The following PDE4B variants were observed in gnomAD, a reference collection of about 807,000 sequenced individuals.
PDE4B encodes 3',5'-cyclic-AMP phosphodiesterase 4B.
Under a neutral mutation model 82.2 loss-of-function variants are expected in PDE4B, and 20 were observed. That is an observed-to-expected ratio of 0.24 (90% CI 0.17 to 0.35). The LOEUF is 0.35. Ranked by LOEUF, PDE4B falls within the 10% of genes least tolerant of loss-of-function variation. The pLI is 1.00. For missense variants in PDE4B, 655 were observed against 907.2 expected (o/e 0.72, Z 3.57); for synonymous variants, 320 against 318.9 (o/e 1.00, Z -0.04).
chr1:65,987,147 G>A (rs1273486980), intron 3 of PDE4B, among the ~76,000 whole-genome samples: 2 of 152,134 alleles, frequency 1.3e-5, no homozygotes, highest in African/African-American at 4.8e-5. Context: ...GGTGTCATTG[G>A]AGGGCTTTGA....
intron 3 of PDE4B, among the ~76,000 whole-genome samples, chr1:66,131,228 C>T (rs1311247637): frequency 2.6e-5 from 4 of 152,082 alleles, no homozygotes; most frequent in Non-Finnish European, 1.5e-5. Context: ...AGCTAATGAG[C>T]AAATGAAGCT....
intron 1 of PDE4B, among the ~76,000 whole-genome samples, chr1:65,894,673 G>T (rs1281249345): frequency 1.3e-5 from 2 of 151,988 alleles, no homozygotes; most frequent in Non-Finnish European, 2.9e-5. Context: ...CAAACCAGTA[G>T]GGAGAAAAAT....
chr1:66,165,954 A>G (rs943193608), intron 3 of PDE4B, among the ~76,000 whole-genome samples: 4 of 142,780 alleles, frequency 2.8e-5, no homozygotes, highest in Non-Finnish European at 4.6e-5. Flanking sequence ...CTTGAGGGGA[A>G]AAAAAAAAAA....
At chr1:65,985,927 G>A (rs967161635) in intron 3 of PDE4B, among the ~76,000 whole-genome samples, 8 of 151,940 alleles carry the variant, frequency 5.3e-5, no homozygotes, top group East Asian at 1.9e-4. Flanking sequence ...TTTGCACTGC[G>A]GCAGGAATGT....
intron 1 of PDE4B, among the ~76,000 whole-genome samples, chr1:65,900,916 A>G (rs780021582): frequency 5.3e-5 from 8 of 151,916 alleles, no homozygotes; most frequent in Non-Finnish European, 1.0e-4. Context: ...AGACAATTTG[A>G]CTTTTTTTCC....
intron 3 of PDE4B, among the ~76,000 whole-genome samples, chr1:66,014,707 G>A (rs923514532): frequency 6.6e-6 from 1 of 152,138 alleles, no homozygotes; most frequent in East Asian, 1.9e-4. Flanking sequence ...TTTTCTCCTG[G>A]CGAGAACATT....
At chr1:66,067,546 T>G (rs541691969) in intron 3 of PDE4B, among the ~76,000 whole-genome samples, 15 of 152,266 alleles carry the variant, frequency 9.9e-5, no homozygotes, top group African/African-American at 3.6e-4. Flanking sequence ...TTTGATTTTT[T>G]CTTGTAAATT....
At chr1:66,112,789 C>G (rs1645515635) in intron 3 of PDE4B, 1 of 152,120 alleles carries the variant, frequency 6.6e-6, no homozygotes, top group Admixed American at 6.6e-5. Flanking sequence ...GGCTTCATGT[C>G]CATCCATCAG....
At chr1:65,872,227 G>A (rs1272804307) in intron 1 of PDE4B, among the ~76,000 whole-genome samples, 1 of 152,098 alleles carries the variant, frequency 6.6e-6, no homozygotes, top group African/African-American at 2.4e-5. Flanking sequence ...AAATTACTTA[G>A]ATTTTTTCCT....
intron 1 of PDE4B, among the ~76,000 whole-genome samples, chr1:65,882,294 A>G (rs1159644185): frequency 1.3e-5 from 2 of 152,190 alleles, no homozygotes; most frequent in Admixed American, 6.6e-5. Context: ...GCTGTTTCCA[A>G]CTGGCTGACT....
At chr1:66,211,725 C>G (rs1650066800) in intron 3 of PDE4B, among the ~76,000 whole-genome samples, 1 of 152,186 alleles carries the variant, frequency 6.6e-6, no homozygotes, top group South Asian at 2.1e-4. Context: ...TATTTGGCAG[C>G]AGACCAAGTT....
intron 3 of PDE4B, among the ~76,000 whole-genome samples, chr1:65,931,679 T>A (rs1647841695): frequency 6.6e-6 from 1 of 152,200 alleles, no homozygotes; most frequent in African/African-American, 2.4e-5. Context: ...CAAAACTAGT[T>A]GAGAGCCTCC....
At chr1:66,320,708 C>A (rs149821738) in intron 7 of PDE4B, among the ~76,000 whole-genome samples, 1 of 152,228 alleles carries the variant, frequency 6.6e-6, no homozygotes, top group Non-Finnish European at 1.5e-5. Context: ...AGATTCTCTA[C>A]CCTCAAGAAG....
intron 3 of PDE4B, among the ~76,000 whole-genome samples, chr1:66,009,998 C>T (rs1652395198): frequency 6.6e-6 from 1 of 151,694 alleles, no homozygotes; most frequent in Non-Finnish European, 1.5e-5. Flanking sequence ...TTTTCTCTCT[C>T]CAATTAGAAT....
chr1:66,315,957 C>T (rs1487278085), intron 7 of PDE4B, among the ~76,000 whole-genome samples: 1 of 152,248 alleles, frequency 6.6e-6, no homozygotes, highest in Non-Finnish European at 1.5e-5. Context: ...CTCCACCCTC[C>T]TGTGTTCTTC....
intron 7 of PDE4B, among the ~76,000 whole-genome samples, chr1:66,318,757 A>C (rs1007050847): frequency 1.3e-5 from 2 of 152,240 alleles, no homozygotes; most frequent in African/African-American, 4.8e-5. Context: ...ATGTAATCAA[A>C]TATATGCATT....
chr1:66,024,150 A>C (rs1173845252), intron 3 of PDE4B, among the ~76,000 whole-genome samples: 2 of 152,132 alleles, frequency 1.3e-5, no homozygotes. Context: ...TGTGAAGTAG[A>C]GTTGCTTATA....
Position 65,935,302 on chromosome 1 carries a change from A to G in PDE4B, c.281+16467A>G, listed in dbSNP as rs116119685. On this transcript the variant is annotated intron_variant, in intron 3 of 16. Transcript: ENST00000341517. ...GTCAAAGAAAAGAATAAGGAAAGAAATTAGAAAATATTGAGGCAAATTAAA... is the reference window on the plus strand; with the variant it reads ...GTCAAAGAAAAGAATAAGGAAAGAAGTTAGAAAATATTGAGGCAAATTAAA... 5.3e-3 allele frequency among the ~76,000 whole-genome samples: 803 copies of G among 152,268 alleles called. 5 individuals carry two copies. Among genetic ancestry groups the G allele is most frequent in the African/African-American group, 0.018 (755 of 41,568 alleles).
At chr1:66,314,474 G>T (rs1048782710) in intron 7 of PDE4B, among the ~76,000 whole-genome samples, 1 of 152,072 alleles carries the variant, frequency 6.6e-6, no homozygotes, top group Non-Finnish European at 1.5e-5. Flanking sequence ...GTACAGTGGC[G>T]TGATCTCGGC....
Sources: allele counts gnomAD v4.1 joint callset (sites outside exome capture counted in the v4.1 genomes callset), GRCh38; gene constraint gnomAD v4.1.1; transcripts MANE v1.5; gene names NCBI Gene and HGNC (gene_info 2026-07-23, HGNC 2026-07-21).